The following TCF12 variants were observed in gnomAD, a reference collection of about 807,000 sequenced individuals.
TCF12 encodes the protein transcription factor 12.
In TCF12, 45 loss-of-function variants were observed where a neutral mutation model predicts 86.0. The ratio of observed to expected loss-of-function variants is 0.52; its 90% CI spans 0.41 to 0.67. TCF12 has a LOEUF of 0.67. TCF12 is among the 30% of genes least tolerant of loss of function. TCF12 has a pLI of 0.00. For synonymous variants in TCF12, 330 were observed against 299.6 expected (o/e 1.10, Z -1.05); for missense variants, 881 against 859.9 (o/e 1.02, Z -0.31).
intron 16 of TCF12, among the ~76,000 whole-genome samples, chr15:57,261,780 C>T (rs1169395509): frequency 4.7e-4 from 10 of 21,222 alleles, no homozygotes; most frequent in Non-Finnish European, 8.8e-4. Context: ...ATACGTAGTG[C>T]GTTGTGGCTT....
chr15:57,081,222 A>C (rs1174076465), intron 4 of TCF12, among the ~76,000 whole-genome samples: 1 of 152,040 alleles, frequency 6.6e-6, no homozygotes, highest in Non-Finnish European at 1.5e-5. Context: ...TTTATTCTTC[A>C]TTTTGTATGG....
intron 8 of TCF12, among the ~76,000 whole-genome samples, chr15:57,223,659 T>TTTTTTTTTTTTG (rs2058726976): frequency 6.9e-6 from 1 of 144,508 alleles, no homozygotes; most frequent in Non-Finnish European, 1.5e-5. Flanking sequence ...TTTTTTTTTT[T>TTTTTTTTTTTTG]TTTTTTTTTT....
chr15:56,989,061 C>T (rs1181784178), intron 3 of TCF12, among the ~76,000 whole-genome samples: 2 of 151,996 alleles, frequency 1.3e-5, no homozygotes, highest in Non-Finnish European at 2.9e-5. Flanking sequence ...TAACATTTTC[C>T]AAGAGATGAC....
At chr15:57,242,549 C>T (rs1312021754) in intron 12 of TCF12, among the ~76,000 whole-genome samples, 2 of 152,122 alleles carry the variant, frequency 1.3e-5, no homozygotes, top group Admixed American at 6.5e-5. Context: ...CACTCGTAGT[C>T]TGAGCTACTA....
intron 4 of TCF12, among the ~76,000 whole-genome samples, chr15:57,087,071 C>CTCTCCCTCTG (rs200204057): frequency 5.9e-5 from 8 of 136,698 alleles, no homozygotes; most frequent in East Asian, 2.0e-4. Context: ...GTCTCCCTCT[C>CTCTCCCTCTG]TCTCCCTCTG....
intron 3 of TCF12, among the ~76,000 whole-genome samples, chr15:56,947,903 A>C (rs1438478690): frequency 6.6e-6 from 1 of 152,176 alleles, no homozygotes; most frequent in African/African-American, 2.4e-5. Flanking sequence ...GTGGCCTTGC[A>C]TGGAGCAGAG....
chr15:57,131,006 T>A (rs2052071144), intron 5 of TCF12, among the ~76,000 whole-genome samples: 1 of 152,198 alleles, frequency 6.6e-6, no homozygotes, highest in Non-Finnish European at 1.5e-5. Flanking sequence ...TTTAATTCTG[T>A]ATTCATAGTA....
At chr15:57,284,193 TG>T (rs200009226) in intron 20 of TCF12, among the ~76,000 whole-genome samples, 2 of 151,966 alleles carry the variant, frequency 1.3e-5, no homozygotes, top group Non-Finnish European at 2.9e-5. Context: ...GGGATTTTTT[TG>T]TTGTTGTTGT....
intron 13 of TCF12, among the ~76,000 whole-genome samples, chr15:57,250,215 A>G (rs2060044227): frequency 6.6e-6 from 1 of 152,180 alleles, no homozygotes; most frequent in African/African-American, 2.4e-5. Context: ...TCATCTGTGT[A>G]TTGCTAAAGG....
chr15:57,092,772 T>C (rs1174950634), intron 5 of TCF12, among the ~76,000 whole-genome samples: 1 of 152,200 alleles, frequency 6.6e-6, no homozygotes. Context: ...CATATAAATA[T>C]GGAAAGTTTG....
chr15:57,279,726 G>C (rs138173549), intron 19 of TCF12, among the ~76,000 whole-genome samples: 4 of 151,924 alleles, frequency 2.6e-5, no homozygotes, highest in Non-Finnish European at 5.9e-5. Context: ...GTCATAGTTG[G>C]CTAAGAGCAA....
At chr15:56,918,471 C>G (rs2059600376), upstream of TCF12, 4 of 332,196 alleles carry the variant, frequency 1.2e-5, no homozygotes, top group South Asian at 6.3e-5. Context: ...GGCCCCAACT[C>G]CGTCCCGCCT....
intron 3 of TCF12, among the ~76,000 whole-genome samples, chr15:57,051,235 G>C (rs1236487736): frequency 3.3e-5 from 5 of 152,188 alleles, no homozygotes; most frequent in African/African-American, 1.2e-4. Flanking sequence ...GTTAGTCTCT[G>C]CTGTGGTGCC....
In TCF12 at chr15:57,206,939, A is replaced by G. The variant is rs72733911; in HGVS notation, c.579+9114A>G. Reference sequence around the variant, plus strand: ...GACCCTGTCTCTACAGAAAAAAAAAAAAAAGAAAAGGAAAAAAAAAATTGG... The same window carrying G: ...GACCCTGTCTCTACAGAAAAAAAAAGAAAAGAAAAGGAAAAAAAAAATTGG... On this transcript the variant is annotated intron_variant, in intron 8 of 20. Transcript: ENST00000333725. 9.7e-3 allele frequency among the ~76,000 whole-genome samples: 1,466 copies of G among 151,172 alleles called. 15 individuals are homozygous for G. The highest frequency in any genetic ancestry group is 0.017 in the Middle Eastern group (5 of 294).
chr15:57,283,711 C>G (rs3095822), intron 20 of TCF12, among the ~76,000 whole-genome samples: 6 of 152,174 alleles, frequency 3.9e-5, no homozygotes, highest in African/African-American at 1.4e-4. Flanking sequence ...TGGTCAGTTT[C>G]GTGGCTGTCT....
rs2057020728 is a variant in TCF12, at chr15:57,192,271, A to G, written c.504A>G (p.Pro168=). ...CTGCTACAAGTTCCAGGAGGAGACCACTCCATGACTCTGCAGCGCTTGGTG... is the reference window on the plus strand; with the variant it reads ...CTGCTACAAGTTCCAGGAGGAGACCGCTCCATGACTCTGCAGCGCTTGGTG... ...SFSATSSRRR[P]LHDSAALDPL... The change falls in exon 7 of 21, where the codon CCA becomes CCG. Residue 168 remains proline, a synonymous_variant. Transcript: ENST00000333725. The G allele has an allele frequency of 6.2e-7, 1 of 1,613,390 alleles. No homozygotes were observed. The highest frequency in any genetic ancestry group is 2.2e-5 in the East Asian group (1 of 44,840).
chr15:57,247,901 C>T (rs1597613288), intron 13 of TCF12: 2 of 762,670 alleles, frequency 2.6e-6, no homozygotes, highest in Non-Finnish European at 4.8e-6. Flanking sequence ...CTTAAACTAT[C>T]ATCTGTAGTT....
chr15:57,189,808 G>C (rs1364417552), intron 6 of TCF12, among the ~76,000 whole-genome samples: 1 of 141,580 alleles, frequency 7.1e-6, no homozygotes, highest in African/African-American at 2.4e-5. Flanking sequence ...ACTATTCACA[G>C]TAGTTAAAAG....
intron 13 of TCF12, among the ~76,000 whole-genome samples, chr15:57,250,926 A>C (rs2615226): frequency 0.65 from 98,833 of 151,156 alleles, 34,550 homozygotes; most frequent in Non-Finnish European, 0.8. Flanking sequence ...AAACAAAACC[A>C]AAAAAACAGA....
Sources: allele counts gnomAD v4.1 joint callset (sites outside exome capture counted in the v4.1 genomes callset), GRCh38; gene constraint gnomAD v4.1.1; transcripts MANE v1.5; gene names NCBI Gene and HGNC (gene_info 2026-07-23, HGNC 2026-07-21).